PDCL2: variants seen among roughly 807,000 people sequenced by gnomAD.
The protein encoded by PDCL2 is phosducin-like protein 2.
In PDCL2, 23 loss-of-function variants were observed where a neutral mutation model predicts 30.3. The ratio of observed to expected loss-of-function variants is 0.76; its 90% CI spans 0.55 to 1.08. The LOEUF (loss-of-function observed/expected upper bound fraction) is 1.08, where lower values mean the gene tolerates loss of function less well. Ranked by LOEUF, PDCL2 falls within the 50% of genes least tolerant of loss-of-function variation. The probability of loss-of-function intolerance (pLI) is 0.00; values close to 1 mark genes in which losing one functional copy is unlikely to be tolerated. For synonymous variants in PDCL2, 68 were observed against 86.2 expected (o/e 0.79, Z 1.17); for missense variants, 243 against 282.3 (o/e 0.86, Z 1.00).
chr4:55,569,094 T>C (rs751027454), intron 4 of PDCL2, among the ~76,000 whole-genome samples: 2 of 151,848 alleles, frequency 1.3e-5, no homozygotes, highest in Admixed American at 6.6e-5. Context: ...AGCTCTCCTA[T>C]GTGTATGTGT....
intron 3 of PDCL2, among the ~76,000 whole-genome samples, chr4:55,571,994 T>C (rs11735654): frequency 0.034 from 5,165 of 152,182 alleles, 105 homozygotes; most frequent in Non-Finnish European, 0.054. Flanking sequence ...AATTTCAAAA[T>C]ATTCTTGTTC....
intron 1 of PDCL2, among the ~76,000 whole-genome samples, chr4:55,584,234 G>GT (rs112718898): frequency 0.29 from 42,448 of 144,516 alleles, 6,501 homozygotes; most frequent in Middle Eastern, 0.41. Context: ...AATGTTACTA[G>GT]TTTTTTTTTG....
intron 3 of PDCL2, among the ~76,000 whole-genome samples, chr4:55,578,181 G>A (rs1430701512): frequency 2.0e-5 from 3 of 151,802 alleles, no homozygotes; most frequent in African/African-American, 7.2e-5. Context: ...TTCTCTGATA[G>A]CTGCCTGAGC....
At chr4:55,578,885 C>A (rs1396167988) in intron 3 of PDCL2, among the ~76,000 whole-genome samples, 1 of 152,180 alleles carries the variant, frequency 6.6e-6, no homozygotes, top group African/African-American at 2.4e-5. Context: ...TTCAACCAAT[C>A]ATTTTAGCAT....
chr4:55,571,125 C>A (rs1732412107), intron 3 of PDCL2, among the ~76,000 whole-genome samples: 2 of 152,094 alleles, frequency 1.3e-5, no homozygotes, highest in Non-Finnish European at 2.9e-5. Flanking sequence ...AGCCCAGAGC[C>A]CACCAAAATT....
chr4:55,569,916 A>G, intron 3 of PDCL2, 55 bp from the exon 4 acceptor site: 1 of 1,269,928 alleles, frequency 7.9e-7, no homozygotes, highest in East Asian at 2.5e-5. Flanking sequence ...TCTTAAGGTC[A>G]TTCTCATATG....
At chr4:55,590,212 A>AAG (rs1325126716) in intron 1 of PDCL2, among the ~76,000 whole-genome samples, 1 of 149,766 alleles carries the variant, frequency 6.7e-6, no homozygotes, top group East Asian at 2.0e-4. Context: ...AAAAAAAAAA[A>AAG]AAAAAAAAAG....
intron 3 of PDCL2, among the ~76,000 whole-genome samples, chr4:55,579,310 GTATT>G (rs1732645995): frequency 6.6e-6 from 1 of 152,004 alleles, no homozygotes; most frequent in Non-Finnish European, 1.5e-5. Flanking sequence ...TTAGAGAATA[GTATT>G]TATTTGTTTT....
At chr4:55,590,494 T>A (rs1161611578) in intron 1 of PDCL2, among the ~76,000 whole-genome samples, 2 of 150,108 alleles carry the variant, frequency 1.3e-5, no homozygotes, top group African/African-American at 4.9e-5. Context: ...ACTATGAATT[T>A]TTTCCCCCCC....
intron 5 of PDCL2, among the ~76,000 whole-genome samples, chr4:55,558,532 T>C (rs1007929987): frequency 1.3e-5 from 2 of 152,228 alleles, no homozygotes; most frequent in African/African-American, 4.8e-5. Context: ...CTTTCCTTTA[T>C]AAATTACCCA....
chr4:55,558,686 T>G (rs6836071), intron 5 of PDCL2, among the ~76,000 whole-genome samples: 4,123 of 152,246 alleles, frequency 0.027, 199 homozygotes, highest in African/African-American at 0.094. Flanking sequence ...TAGGAGAATA[T>G]ATTTTTCACC....
In PDCL2 at chr4:55,592,154, G is replaced by A; in HGVS notation, c.-45C>T. On this transcript the variant is annotated 5_prime_UTR_variant, in exon 1 of 6. Coordinates refer to ENST00000295645, the MANE Select transcript of PDCL2 (RefSeq NM_152401.3). Reference sequence around the variant, plus strand: ...CAAGAGCCCGCGTCGTCCTGCAGCTGGCGAGGCGCCACGGATGGAGACCCG... The same window carrying A: ...CAAGAGCCCGCGTCGTCCTGCAGCTAGCGAGGCGCCACGGATGGAGACCCG... The A allele has an allele frequency of 6.2e-7, 1 of 1,603,978 alleles. No homozygotes were observed. The highest frequency in any genetic ancestry group is 1.1e-5 in the South Asian group (1 of 88,538).
chr4:55,556,795 A>C (rs1322893156), intron 5 of PDCL2, 84 bp from the exon 6 acceptor site: 1 of 1,074,978 alleles, frequency 9.3e-7, no homozygotes, highest in African/African-American at 1.6e-5. Context: ...GTTGACTCTT[A>C]GTAATATTAC....
At chr4:55,591,845 T>C (rs1733011755) in intron 1 of PDCL2, among the ~76,000 whole-genome samples, 1 of 152,230 alleles carries the variant, frequency 6.6e-6, no homozygotes, top group African/African-American at 2.4e-5. Context: ...ATGATTTTGG[T>C]GTGAAACACA....
chr4:55,572,021 C>T (rs1308239822), intron 3 of PDCL2, among the ~76,000 whole-genome samples: 1 of 152,112 alleles, frequency 6.6e-6, no homozygotes, highest in Non-Finnish European at 1.5e-5. Flanking sequence ...TGACACCATG[C>T]TCTAATGGTG....
chr4:55,579,778 A>G (rs1252926539), intron 3 of PDCL2, among the ~76,000 whole-genome samples: 1 of 151,062 alleles, frequency 6.6e-6, no homozygotes, highest in Non-Finnish European at 1.5e-5. Context: ...CAATCCTCCC[A>G]CCATAGCCTC....
Position 55,556,685 on chromosome 4 carries a change from C to T in PDCL2, c.598G>A (p.Gly200Arg), listed in dbSNP as rs867218873. Residue 200 changes from glycine (G) to arginine (R), a missense_variant, in exon 6 of 6, where the codon GGA becomes AGA. Gly to Arg is a moderately radical substitution (Grantham distance 125). Coordinates refer to ENST00000295645, the MANE Select transcript of PDCL2 (RefSeq NM_152401.3). The stretch of plus-strand genomic sequence containing the variant: ...TCTTCCAAATCAGTCTGTATTGCTC[C>T]AACTTCTGCTAGCTTCCATTCAAGT... ...EELEWKLAEV[G>R]AIQTDLEENP... The T allele has an allele frequency of 6.4e-7, 1 of 1,560,320 alleles. No homozygotes were observed. The highest frequency in any genetic ancestry group is 8.7e-7 in the Non-Finnish European group (1 of 1,151,976).
intron 1 of PDCL2, among the ~76,000 whole-genome samples, chr4:55,588,014 C>T (rs1732906301): frequency 2.0e-5 from 3 of 152,104 alleles, no homozygotes; most frequent in Admixed American, 2.0e-4. Context: ...CTTATGTTTC[C>T]TTTTAAGAGA....
chr4:55,573,054 G>A (rs542346410), intron 3 of PDCL2, among the ~76,000 whole-genome samples: 4 of 152,182 alleles, frequency 2.6e-5, no homozygotes, highest in East Asian at 1.9e-4. Context: ...CACCGCGCCC[G>A]GCTGTGTGTT....
Sources: allele counts gnomAD v4.1 joint callset (sites outside exome capture counted in the v4.1 genomes callset), GRCh38; gene constraint gnomAD v4.1.1; transcripts MANE v1.5; gene names NCBI Gene and HGNC (gene_info 2026-07-23, HGNC 2026-07-21).